SKAP1: variants seen among roughly 807,000 people sequenced by gnomAD.
The protein encoded by SKAP1 is src kinase associated phosphoprotein 1, also known as src kinase-associated phosphoprotein 1.
A neutral mutation model predicts 58.5 loss-of-function variants in SKAP1; 44 were observed. That is an observed-to-expected ratio of 0.75 (90% CI 0.59 to 0.97). SKAP1 has a LOEUF of 0.97. SKAP1 is among the 50% of genes least tolerant of loss of function. The pLI is 0.00. For synonymous variants in SKAP1, 127 were observed against 149.7 expected (o/e 0.85, Z 1.11); for missense variants, 390 against 435.2 (o/e 0.90, Z 0.92).
At chr17:48,176,513 G>T (rs773419996) in intron 9 of SKAP1, among the ~76,000 whole-genome samples, 1 of 152,120 alleles carries the variant, frequency 6.6e-6, no homozygotes, top group Non-Finnish European at 1.5e-5. Context: ...TATTGCTTTA[G>T]CATTTCTTTG....
chr17:48,240,811 A>G (rs1464099109), intron 4 of SKAP1, among the ~76,000 whole-genome samples: 1 of 152,202 alleles, frequency 6.6e-6, no homozygotes, highest in African/African-American at 2.4e-5. Context: ...CTCGTTCACA[A>G]TCCAGATTAC....
intron 4 of SKAP1, among the ~76,000 whole-genome samples, chr17:48,300,356 G>A (rs549672615): frequency 6.6e-6 from 1 of 151,856 alleles, no homozygotes; most frequent in South Asian, 2.1e-4. Flanking sequence ...GAGAGTGAGA[G>A]GCTCCAGGGA....
intron 4 of SKAP1, among the ~76,000 whole-genome samples, chr17:48,291,327 TACTC>T (rs2065894455): frequency 6.6e-6 from 1 of 152,138 alleles, no homozygotes; most frequent in African/African-American, 2.4e-5. Context: ...AAAAAAAAAT[TACTC>T]TCTCTGTTCT....
At chr17:48,345,186 A>G (rs1364696004) in intron 4 of SKAP1, among the ~76,000 whole-genome samples, 7 of 152,404 alleles carry the variant, frequency 4.6e-5, no homozygotes, top group South Asian at 2.1e-4. Flanking sequence ...GGCCTGAGCC[A>G]GAAACTGGCA....
intron 4 of SKAP1, among the ~76,000 whole-genome samples, chr17:48,249,213 T>G (rs1448272001): frequency 6.6e-6 from 1 of 152,200 alleles, no homozygotes; most frequent in East Asian, 1.9e-4. Flanking sequence ...TCTAGCTTAC[T>G]CAGCTTTAGT....
At chr17:48,365,432 C>CT (rs1386450723) in intron 2 of SKAP1, among the ~76,000 whole-genome samples, 12 of 152,302 alleles carry the variant, frequency 7.9e-5, no homozygotes, top group Admixed American at 4.6e-4. Flanking sequence ...TTACATTATT[C>CT]TTTATCAATT....
chr17:48,382,103 C>A (rs1013656536), intron 2 of SKAP1, among the ~76,000 whole-genome samples: 1 of 151,740 alleles, frequency 6.6e-6, no homozygotes, highest in Non-Finnish European at 1.5e-5. Flanking sequence ...CCTCACACAC[C>A]TGTTGTAAGG....
intron 4 of SKAP1, among the ~76,000 whole-genome samples, chr17:48,238,155 G>A (rs921090081): frequency 2.0e-5 from 3 of 151,636 alleles, no homozygotes; most frequent in Admixed American, 6.6e-5. Flanking sequence ...CACCACATCC[G>A]GCTGATTTTT....
intron 1 of SKAP1, among the ~76,000 whole-genome samples, chr17:48,397,435 A>G (rs925530368): frequency 6.6e-6 from 1 of 152,336 alleles, no homozygotes; most frequent in East Asian, 1.9e-4. Flanking sequence ...CATGTTGCCC[A>G]GGCTGGTTTC....
intron 4 of SKAP1, among the ~76,000 whole-genome samples, chr17:48,216,034 A>G (rs2064935148): frequency 6.6e-6 from 1 of 152,158 alleles, no homozygotes; most frequent in African/African-American, 2.4e-5. Flanking sequence ...CCTATGCATT[A>G]TCTGAAGGAT....
At chr17:48,146,491 T>TA (rs113358305) in intron 11 of SKAP1, among the ~76,000 whole-genome samples, 157 of 144,032 alleles carry the variant, frequency 1.1e-3, no homozygotes, top group Middle Eastern at 3.5e-3. Context: ...AGACTCCATT[T>TA]AAAAAAAAAA....
chr17:48,427,640 A>G (rs1156340284), intron 1 of SKAP1, among the ~76,000 whole-genome samples: 1 of 147,538 alleles, frequency 6.8e-6, no homozygotes, highest in Non-Finnish European at 1.5e-5. Context: ...AAGCACACAC[A>G]TTATGTCAAA....
At chr17:48,296,406 G>C (rs2065972918) in intron 4 of SKAP1, among the ~76,000 whole-genome samples, 3 of 152,040 alleles carry the variant, frequency 2.0e-5, no homozygotes, top group Admixed American at 2.0e-4. Flanking sequence ...GGTGGTTGTT[G>C]TTGTTTAAAA....
chr17:48,240,553 A>G (rs1431972728), intron 4 of SKAP1, among the ~76,000 whole-genome samples: 1 of 152,252 alleles, frequency 6.6e-6, no homozygotes, highest in African/African-American at 2.4e-5. Flanking sequence ...CAGTTGTCCC[A>G]TATTCAGACA....
At chr17:48,203,012 A>G (rs997190868) in intron 4 of SKAP1, among the ~76,000 whole-genome samples, 1 of 152,158 alleles carries the variant, frequency 6.6e-6, no homozygotes, top group Non-Finnish European at 1.5e-5. Flanking sequence ...TTCTTTCCCC[A>G]CTGAACATTA....
chr17:48,151,539 T>A (rs993522527), intron 11 of SKAP1, among the ~76,000 whole-genome samples: 3 of 151,884 alleles, frequency 2.0e-5, no homozygotes, highest in Admixed American at 6.6e-5. Context: ...GAAAAACACA[T>A]CCTCTTGACT....
At chr17:48,330,791 C>T (rs768807321) in intron 4 of SKAP1, among the ~76,000 whole-genome samples, 1 of 150,320 alleles carries the variant, frequency 6.7e-6, no homozygotes, top group Non-Finnish European at 1.5e-5. Flanking sequence ...TGGCGAATCA[C>T]AAATTTAGTA....
At chr17:48,422,515 C>T (rs1363699846) in intron 1 of SKAP1, among the ~76,000 whole-genome samples, 1 of 151,902 alleles carries the variant, frequency 6.6e-6, no homozygotes, top group Non-Finnish European at 1.5e-5. Flanking sequence ...AGATAGGTAC[C>T]ATTATTATCT....
intron 1 of SKAP1, among the ~76,000 whole-genome samples, chr17:48,413,351 C>A (rs1425418621): frequency 1.3e-5 from 2 of 150,580 alleles, no homozygotes; most frequent in African/African-American, 4.9e-5. Context: ...CCTGTCTCCA[C>A]TAAAAATACA....
Sources: allele counts gnomAD v4.1 joint callset (sites outside exome capture counted in the v4.1 genomes callset), GRCh38; gene constraint gnomAD v4.1.1; transcripts MANE v1.5; gene names NCBI Gene and HGNC (gene_info 2026-07-23, HGNC 2026-07-21).